HYDIN: variants seen among roughly 807,000 people sequenced by gnomAD.
HYDIN encodes the protein axonemal central pair apparatus protein HYDIN.
HYDIN carries 132 observed loss-of-function variants against 403.9 expected under a neutral mutation model. That is an observed-to-expected ratio of 0.33 (90% CI 0.28 to 0.38). HYDIN has a LOEUF of 0.38. Among genes scored for constraint, HYDIN ranks in the 10% least tolerant of loss-of-function variants. The probability of loss-of-function intolerance (pLI) is 1.00; values close to 1 mark genes in which losing one functional copy is unlikely to be tolerated. For missense variants in HYDIN, 2,827 were observed against 5,009.5 expected, an observed-to-expected ratio of 0.56 and a Z score of 13.15; for synonymous variants, 1,202 against 1,891.7, an observed-to-expected ratio of 0.64 and a Z score of 9.46.
At chr16:70,872,625 TCATCCATCCACCCTCG>T (rs2040199734) in intron 64 of HYDIN, among the ~76,000 whole-genome samples, 1 of 114,694 alleles carries the variant, frequency 8.7e-6, no homozygotes, top group Non-Finnish European at 1.8e-5. Flanking sequence ...CACCCACCCA[TCATCCATCCACCCTCG>T]CATCCATCCA....
At chr16:70,921,826 G>C (rs2077003044) in intron 45 of HYDIN, among the ~76,000 whole-genome samples, 1 of 152,162 alleles carries the variant, frequency 6.6e-6, no homozygotes, top group South Asian at 2.1e-4. Context: ...TTTAGAATTT[G>C]GCTGCACCTC....
chr16:71,087,873 A>AC (rs2082976873), intron 12 of HYDIN: 2 of 154,580 alleles, frequency 1.3e-5, no homozygotes, highest in Admixed American at 6.5e-5. Context: ...ATGCTTGGAG[A>AC]CATAATAGTG....
intron 5 of HYDIN, among the ~76,000 whole-genome samples, chr16:71,174,449 C>A (rs570747507): frequency 1.5e-4 from 23 of 152,328 alleles, no homozygotes; most frequent in African/African-American, 5.5e-4. Flanking sequence ...GAGTGCAACA[C>A]AGATAAGCAT....
chr16:70,929,971 T>C (rs1287768833), intron 45 of HYDIN, among the ~76,000 whole-genome samples: 1 of 152,198 alleles, frequency 6.6e-6, no homozygotes, highest in African/African-American at 2.4e-5. Context: ...AGCAAACTGA[T>C]TGTCCCATAC....
intron 5 of HYDIN, among the ~76,000 whole-genome samples, chr16:71,172,571 C>T (rs2086510565): frequency 6.6e-6 from 1 of 152,104 alleles, no homozygotes; most frequent in Non-Finnish European, 1.5e-5. Context: ...AGTAAATTTG[C>T]TGCACCTGTT....
chr16:71,229,088 T>C (rs955294208), intron 1 of HYDIN, among the ~76,000 whole-genome samples: 2 of 136,510 alleles, frequency 1.5e-5, no homozygotes, highest in Non-Finnish European at 3.0e-5. Context: ...TTCTCACTCA[T>C]AGGTGGGCAA....
rs1323501493 is a variant in HYDIN, at chr16:70,955,631, C to G, written c.6143-83G>C. 4 of 609,968 alleles carry G rather than the reference C, an allele frequency of 6.6e-6. No homozygotes were observed. The African/African-American group carries it at 7.4e-5, about 11-fold the overall frequency. The allele number at this position is 609,968 out of a possible 1,614,324, so 37.8% of individuals were successfully genotyped here. The stretch of plus-strand genomic sequence containing the variant: ...GAGAAAAGGTCTCAAGAGCAGAGGT[C>G]CCTGCAAAGTGATCTCTCTGAGTGC... On this transcript the variant is annotated intron_variant, in intron 39 of 85. Coordinates refer to ENST00000393567, the MANE Select transcript of HYDIN (RefSeq NM_001270974.2).
chr16:70,884,928 C>T (rs1265276033), intron 58 of HYDIN, among the ~76,000 whole-genome samples: 1 of 152,256 alleles, frequency 6.6e-6, no homozygotes, highest in Non-Finnish European at 1.5e-5. Flanking sequence ...CACATTTCCT[C>T]TGGAGCACAA....
intron 23 of HYDIN, among the ~76,000 whole-genome samples, chr16:71,005,512 C>A (rs2144085442): frequency 6.6e-6 from 1 of 152,234 alleles, no homozygotes; most frequent in East Asian, 1.9e-4. Flanking sequence ...TCTCAGACTA[C>A]CAGTCTCCAG....
At chr16:71,074,707 C>CAAAAAAAAAAAAAAAAAAAAAAAAAA (rs59315287) in intron 13 of HYDIN, among the ~76,000 whole-genome samples, 2 of 86,240 alleles carry the variant, frequency 2.3e-5, no homozygotes, top group Non-Finnish European at 2.3e-5. Context: ...CAAAAAACAC[C>CAAAAAAAAAAAAAAAAAAAAAAAAAA]AAAAAAAAAA....
intron 18 of HYDIN, among the ~76,000 whole-genome samples, chr16:71,054,363 C>A (rs373209950): frequency 6.6e-6 from 1 of 152,284 alleles, no homozygotes; most frequent in Non-Finnish European, 1.5e-5. Flanking sequence ...CTCATTGAAG[C>A]CTGAGAAACA....
intron 10 of HYDIN, among the ~76,000 whole-genome samples, chr16:71,112,861 T>C (rs2083884682): frequency 6.6e-6 from 1 of 152,008 alleles, no homozygotes; most frequent in Non-Finnish European, 1.5e-5. Flanking sequence ...AATGTAAAGT[T>C]GATGGAACAA....
intron 18 of HYDIN, among the ~76,000 whole-genome samples, chr16:71,050,190 T>TA (rs2081591433): frequency 6.7e-6 from 1 of 148,390 alleles, no homozygotes. Flanking sequence ...AAATCAAGGA[T>TA]AAAAACATAG....
At position 70,872,138 on chromosome 16, in the gene HYDIN, C is replaced by T. The variant is rs1245669003; in HGVS notation, c.10990G>A (p.Gly3664Arg). 1 of 1,543,388 alleles carries T rather than the reference C, an allele frequency of 6.5e-7. No individual in the cohort carries two copies. Among genetic ancestry groups the T allele is most frequent in the East Asian group, 2.3e-5 (1 of 44,078 alleles). The stretch of plus-strand genomic sequence containing the variant: ...GTGAAGCTCGCATTATAGCTGTGTC[C>T]AATGTGGCAGTCCCCAAATTGGATG... ...DHIQFGDCHI[G>R]HSYNASFTVT... Residue 3664 changes from glycine to arginine, a missense_variant, in exon 65 of 86, where the codon GGA becomes AGA. Physicochemically the swap from Gly to Arg is moderately radical, Grantham distance 125 (BLOSUM62 -2). Coordinates refer to ENST00000393567, the MANE Select transcript of HYDIN (RefSeq NM_001270974.2).
chr16:70,962,493 A>C (rs1307365141), intron 37 of HYDIN, among the ~76,000 whole-genome samples: 2 of 152,380 alleles, frequency 1.3e-5, no homozygotes, highest in African/African-American at 4.8e-5. Flanking sequence ...TCATACCAGC[A>C]CAGGAGAGCT....
At chr16:71,010,687 C>A (rs2144099036) in intron 23 of HYDIN, among the ~76,000 whole-genome samples, 1 of 152,378 alleles carries the variant, frequency 6.6e-6, no homozygotes. Context: ...CGGACACCAG[C>A]ACCCTGAGCT....
intron 23 of HYDIN, among the ~76,000 whole-genome samples, chr16:71,015,351 T>C (rs1354951371): frequency 6.6e-6 from 1 of 151,998 alleles, no homozygotes. Context: ...AGTGGCCAAG[T>C]ACATTTTCAA....
At chr16:71,129,601 T>G (rs1424696291) in intron 9 of HYDIN, 39 bp downstream of exon 9, 1 of 1,536,288 alleles carries the variant, frequency 6.5e-7, no homozygotes, top group African/African-American at 1.4e-5. Flanking sequence ...TGCTCCCACT[T>G]ACATTTCCTG....
intron 1 of HYDIN, among the ~76,000 whole-genome samples, chr16:71,206,526 T>C (rs1281874180): frequency 1.3e-5 from 2 of 152,186 alleles, no homozygotes; most frequent in African/African-American, 4.8e-5. Flanking sequence ...GAGTGTCTTC[T>C]TTCCTCCCAA....
Sources: gnomAD v4.1 joint callset for allele counts (sites outside exome capture counted in the v4.1 genomes callset) on GRCh38, gnomAD v4.1.1 for gene constraint, MANE v1.5 for transcripts, NCBI Gene and HGNC (gene_info 2026-07-23, HGNC 2026-07-21) for gene names.